FSTL4: variants seen among roughly 807,000 people sequenced by gnomAD.
FSTL4 encodes follistatin-related protein 4.
FSTL4 carries 28 observed loss-of-function variants against 78.2 expected under a neutral mutation model. That is an observed-to-expected ratio of 0.36 (90% CI 0.27 to 0.49). The LOEUF (loss-of-function observed/expected upper bound fraction) is 0.49. FSTL4 is among the 20% of genes least tolerant of loss of function. FSTL4 has a pLI of 0.98. For missense variants in FSTL4, 922 were observed against 1,084.9 expected (o/e 0.85, Z 2.11); for synonymous variants, 422 against 440.5 (o/e 0.96, Z 0.53).
chr5:133,210,468 GCATTATTAT>G (rs762377949), intron 13 of FSTL4, among the ~76,000 whole-genome samples, 170 bp from the exon 14 acceptor site: 359 of 118,920 alleles, frequency 3.0e-3, no homozygotes, highest in African/African-American at 0.012. Context: ...TTTCTCAGAG[GCATTATTAT>G]TATTATTATT....
chr5:133,205,386 CGTGT>C (rs3087070), intron 14 of FSTL4, among the ~76,000 whole-genome samples: 34,596 of 150,640 alleles, frequency 0.23, 4,954 homozygotes, highest in East Asian at 0.43. Flanking sequence ...TTTTTCTTTG[CGTGT>C]GTGTGTGTGT....
At chr5:133,500,298 G>A (rs1758465172) in intron 3 of FSTL4, among the ~76,000 whole-genome samples, 2 of 152,152 alleles carry the variant, frequency 1.3e-5, no homozygotes. Context: ...CCCTGGTTTT[G>A]TATGCCAACG....
At chr5:133,583,266 T>C (rs1195688137) in intron 2 of FSTL4, 1 of 455,690 alleles carries the variant, frequency 2.2e-6, no homozygotes, top group Non-Finnish European at 4.4e-6. Context: ...GAATCTTACC[T>C]CCTCCTTAAG....
At chr5:133,630,465 T>G in the FSTL4 span, among the ~76,000 whole-genome samples, 2 of 152,288 alleles carry the variant, frequency 1.3e-5, no homozygotes, top group East Asian at 3.9e-4. Flanking sequence ...CAAGGAGAAC[T>G]ACAAACCACT....
intron 3 of FSTL4, among the ~76,000 whole-genome samples, chr5:133,549,235 C>A (rs1007786673): frequency 1.3e-5 from 2 of 152,136 alleles, no homozygotes; most frequent in African/African-American, 4.8e-5. Flanking sequence ...ACTGAGTCCT[C>A]CTTATCCTAG....
At chr5:133,295,451 G>GTC in intron 6 of FSTL4, among the ~76,000 whole-genome samples, 1 of 152,110 alleles carries the variant, frequency 6.6e-6, no homozygotes, top group Admixed American at 6.5e-5. Flanking sequence ...GGTTGCTCAC[G>GTC]TGTGTTTGCA....
chr5:133,728,627 C>A, the FSTL4 span, among the ~76,000 whole-genome samples: 1 of 152,332 alleles, frequency 6.6e-6, no homozygotes, highest in South Asian at 2.1e-4. Context: ...GAACTGGAAT[C>A]AGCCTGCATG....
chr5:133,395,317 T>A (rs562556970), intron 4 of FSTL4, among the ~76,000 whole-genome samples: 1 of 152,192 alleles, frequency 6.6e-6, no homozygotes, highest in South Asian at 2.1e-4. Flanking sequence ...GCGGGAGGAA[T>A]GAACAACTCC....
intron 6 of FSTL4, among the ~76,000 whole-genome samples, chr5:133,253,968 A>G (rs1316573450): frequency 6.6e-6 from 1 of 151,918 alleles, no homozygotes; most frequent in Non-Finnish European, 1.5e-5. Context: ...ATTGGCCCCT[A>G]CCTCCAAGAT....
chr5:133,556,435 G>A (rs571108658), intron 3 of FSTL4, among the ~76,000 whole-genome samples: 5 of 152,232 alleles, frequency 3.3e-5, no homozygotes, highest in African/African-American at 1.2e-4. Flanking sequence ...TTACTAAAAA[G>A]TGGCTCCTGG....
At chr5:133,518,234 C>A (rs1254917657) in intron 3 of FSTL4, among the ~76,000 whole-genome samples, 1 of 152,092 alleles carries the variant, frequency 6.6e-6, no homozygotes, top group East Asian at 1.9e-4. Flanking sequence ...AAAATACTTG[C>A]AAAATGTTTG....
the FSTL4 span, among the ~76,000 whole-genome samples, chr5:133,631,093 G>C: frequency 6.6e-6 from 1 of 152,286 alleles, no homozygotes; most frequent in South Asian, 2.1e-4. Context: ...CATGGGCAAA[G>C]ACTTCATGAC....
chr5:133,743,205 G>A, the FSTL4 span, among the ~76,000 whole-genome samples: 7 of 152,152 alleles, frequency 4.6e-5, no homozygotes, highest in Non-Finnish European at 8.8e-5. Flanking sequence ...CTCTCATTTC[G>A]TAAGTGAGGC....
chr5:133,553,567 T>C (rs951786368), intron 3 of FSTL4, among the ~76,000 whole-genome samples: 2 of 152,202 alleles, frequency 1.3e-5, no homozygotes, highest in African/African-American at 4.8e-5. Context: ...AGCTGTGTCT[T>C]CTCATTTCTA....
chr5:133,331,311 C>A (rs1309337567), intron 4 of FSTL4, among the ~76,000 whole-genome samples: 1 of 152,128 alleles, frequency 6.6e-6, no homozygotes, highest in East Asian at 1.9e-4. Context: ...GTGTTTTTCT[C>A]TCCTCTGTGT....
At chr5:133,635,044 A>C in the FSTL4 span, among the ~76,000 whole-genome samples, 3 of 151,554 alleles carry the variant, frequency 2.0e-5, no homozygotes, top group African/African-American at 7.3e-5. Context: ...TCTACTTGGC[A>C]TTTTATTGAT....
At chr5:133,565,855 C>T (rs1488799575) in intron 3 of FSTL4, among the ~76,000 whole-genome samples, 5 of 152,180 alleles carry the variant, frequency 3.3e-5, no homozygotes, top group Admixed American at 1.3e-4. Flanking sequence ...CATTCACAGT[C>T]GGGATTCTGG....
intron 2 of FSTL4, chr5:133,575,327 C>T (rs1212182630): frequency 6.6e-6 from 1 of 152,184 alleles, no homozygotes; most frequent in Non-Finnish European, 1.5e-5. Flanking sequence ...AGAGTGGGGG[C>T]CAGCTGTGCC....
intron 3 of FSTL4, among the ~76,000 whole-genome samples, chr5:133,530,651 C>T (rs1759232046): frequency 6.6e-6 from 1 of 152,348 alleles, no homozygotes; most frequent in East Asian, 1.9e-4. Context: ...ACCTCATCTC[C>T]TCCAGCTAGA....
Sources: gnomAD v4.1 joint callset for allele counts (sites outside exome capture counted in the v4.1 genomes callset) on GRCh38, gnomAD v4.1.1 for gene constraint, MANE v1.5 for transcripts, NCBI Gene and HGNC (gene_info 2026-07-23, HGNC 2026-07-21) for gene names.